The following LINC00305 variants were observed in gnomAD, a reference collection of about 807,000 sequenced individuals.
The protein encoded by LINC00305 is long intergenic non-protein coding RNA 305.
chr18:64,141,106 T>G (rs1381440089), intron 1 of LINC00305, among the ~76,000 whole-genome samples: 1 of 138,156 alleles, frequency 7.2e-6, no homozygotes, highest in Admixed American at 7.4e-5. Flanking sequence ...TGAAGAAGAG[T>G]GCAGCCTGTG....
intron 3 of LINC00305, among the ~76,000 whole-genome samples, chr18:64,082,893 T>C (rs1475919938): frequency 6.6e-6 from 1 of 152,172 alleles, no homozygotes; most frequent in African/African-American, 2.4e-5. Context: ...TCTTTTAAAA[T>C]TCTTGTTTCT....
At chr18:64,098,132 C>G (rs2051252798) in intron 2 of LINC00305, 2 of 361,438 alleles carry the variant, frequency 5.5e-6, no homozygotes, top group Non-Finnish European at 5.5e-6. Flanking sequence ...AAAGATAATA[C>G]TAGAAATATA....
chr18:64,135,244 T>C (rs9950644), intron 1 of LINC00305, among the ~76,000 whole-genome samples: 36,431 of 152,022 alleles, frequency 0.24, 4,594 homozygotes, highest in Non-Finnish European at 0.28. Flanking sequence ...CTCATTTTAA[T>C]ATGAACAGCT....
At chr18:64,102,154 C>T (rs530595829) in intron 1 of LINC00305, among the ~76,000 whole-genome samples, 92 of 152,260 alleles carry the variant, frequency 6.0e-4, no homozygotes, top group South Asian at 4.0e-3. Flanking sequence ...CATAAACATA[C>T]ACAAGCACAA....
At chr18:64,128,699 G>A (rs2051396388) in intron 1 of LINC00305, among the ~76,000 whole-genome samples, 1 of 152,032 alleles carries the variant, frequency 6.6e-6, no homozygotes, top group Non-Finnish European at 1.5e-5. Flanking sequence ...CATACCAATT[G>A]TTAAAATATT....
chr18:64,086,007 A>G (rs968855968), intron 3 of LINC00305, among the ~76,000 whole-genome samples: 5 of 152,204 alleles, frequency 3.3e-5, no homozygotes, highest in Admixed American at 2.0e-4. Flanking sequence ...ATACTGTTAC[A>G]CACAGAATAT....
At chr18:64,134,552 C>T (rs2051423970) in intron 1 of LINC00305, among the ~76,000 whole-genome samples, 1 of 152,090 alleles carries the variant, frequency 6.6e-6, no homozygotes, top group African/African-American at 2.4e-5. Flanking sequence ...TCGCCCCAAG[C>T]TGTTTCTTTG....
intron 1 of LINC00305, among the ~76,000 whole-genome samples, chr18:64,143,511 C>A (rs1180914267): frequency 3.9e-5 from 5 of 127,838 alleles, no homozygotes; most frequent in African/African-American, 2.0e-4. Context: ...ATATGTATAC[C>A]ATCAATATAC....
intron 1 of LINC00305, among the ~76,000 whole-genome samples, chr18:64,124,614 A>G (rs779391688): frequency 6.6e-5 from 10 of 152,112 alleles, no homozygotes; most frequent in Non-Finnish European, 1.2e-4. Flanking sequence ...TGCTAAGAAA[A>G]TGTTTGTTGT....
intron 1 of LINC00305, among the ~76,000 whole-genome samples, chr18:64,140,876 GAAGA>G (rs1220019642): frequency 6.6e-6 from 1 of 151,970 alleles, no homozygotes; most frequent in African/African-American, 2.4e-5. Flanking sequence ...TGTGACCAGG[GAAGA>G]AAGACACGGA....
chr18:64,142,571 G>C (rs1406905332), intron 1 of LINC00305, among the ~76,000 whole-genome samples: 1 of 152,142 alleles, frequency 6.6e-6, no homozygotes, highest in East Asian at 1.9e-4. Context: ...GTGTTGCAGG[G>C]ACCCCCAGGC....
chr18:64,138,605 T>C (rs1369662290), intron 1 of LINC00305, among the ~76,000 whole-genome samples: 1 of 152,336 alleles, frequency 6.6e-6, no homozygotes, highest in African/African-American at 2.4e-5. Context: ...TTTTGGCATG[T>C]GAAAATGCAG....
At chr18:64,107,592 G>A (rs1353440810) in intron 1 of LINC00305, among the ~76,000 whole-genome samples, 3 of 152,218 alleles carry the variant, frequency 2.0e-5, no homozygotes, top group Non-Finnish European at 4.4e-5. Context: ...CTCTGCACAT[G>A]TGTTCCAGGA....
intron 1 of LINC00305, among the ~76,000 whole-genome samples, chr18:64,107,509 T>G (rs549642867): frequency 6.6e-6 from 1 of 152,302 alleles, no homozygotes; most frequent in East Asian, 1.9e-4. Context: ...GGCATTGGGA[T>G]AGATGCGCAC....
chr18:64,125,544 A>G (rs929619472), intron 1 of LINC00305, among the ~76,000 whole-genome samples: 6 of 152,282 alleles, frequency 3.9e-5, no homozygotes, highest in Admixed American at 2.6e-4. Flanking sequence ...AATGAGATAC[A>G]TTAAGTATGT....
In LINC00305 at chr18:64,103,376, A is replaced by G. The variant is rs556266875; in HGVS notation, n.315-4736T>C. On this transcript the variant is annotated intron_variant and non_coding_transcript_variant, in intron 1 of 3. Coordinates refer to ENST00000666468, the Ensembl canonical transcript of LINC00305. ...TTATTTTTTCCTAAGCAGCCTGAGG[A>G]TAGCATTTCTTATTCACAGTCTCTC... Among the ~76,000 whole-genome samples, 16 of 152,276 alleles carry G rather than the reference A, an allele frequency of 1.1e-4. No homozygotes were observed. In the South Asian group the frequency reaches 2.7e-3, roughly 26 times the overall value.
chr18:64,083,153 A>G (rs1748262842), intron 3 of LINC00305, among the ~76,000 whole-genome samples: 1 of 151,962 alleles, frequency 6.6e-6, no homozygotes, highest in African/African-American at 2.4e-5. Context: ...CTCCCCTTTA[A>G]TAAATATTTT....
chr18:64,114,611 C>T (rs112723004), intron 1 of LINC00305, among the ~76,000 whole-genome samples: 24 of 152,308 alleles, frequency 1.6e-4, no homozygotes, highest in African/African-American at 3.1e-4. Context: ...TGCAAGGCCG[C>T]GATCTTGGCT....
chr18:64,104,817 C>A (rs1313700429), intron 1 of LINC00305, among the ~76,000 whole-genome samples: 1 of 152,030 alleles, frequency 6.6e-6, no homozygotes, highest in Non-Finnish European at 1.5e-5. Flanking sequence ...CACCTTATGT[C>A]CGTTTCTCCT....
Sources: allele counts gnomAD v4.1 joint callset (sites outside exome capture counted in the v4.1 genomes callset), GRCh38; gene constraint gnomAD v4.1.1; transcripts MANE v1.5; gene names NCBI Gene and HGNC (gene_info 2026-07-23, HGNC 2026-07-21).